ZNF804A: variants seen among roughly 807,000 people sequenced by gnomAD.
ZNF804A encodes zinc finger protein 804A.
In ZNF804A, 2 loss-of-function variants were observed where a neutral mutation model predicts 16.5. That is an observed-to-expected ratio of 0.12 (90% CI 0.05 to 0.38). The LOEUF (loss-of-function observed/expected upper bound fraction) is 0.38. Ranked by LOEUF, ZNF804A falls within the 10% of genes least tolerant of loss-of-function variation. The probability of loss-of-function intolerance (pLI) is 0.99; values close to 1 mark genes in which losing one functional copy is unlikely to be tolerated. For synonymous variants in ZNF804A, 534 were observed against 489.6 expected, an observed-to-expected ratio of 1.09 and a Z score of -1.20; for missense variants, 1,473 against 1,390.7, an observed-to-expected ratio of 1.06 and a Z score of -0.94.
At chr2:184,844,675 G>GC (rs1331277464) in intron 1 of ZNF804A, among the ~76,000 whole-genome samples, 1 of 150,810 alleles carries the variant, frequency 6.6e-6, no homozygotes, top group Admixed American at 6.6e-5. Flanking sequence ...ATTCTGATAT[G>GC]CTTATGTGTT....
At chr2:184,712,305 A>G (rs13389014) in intron 1 of ZNF804A, among the ~76,000 whole-genome samples, 20,926 of 151,608 alleles carry the variant, frequency 0.14, 1,553 homozygotes, top group Middle Eastern at 0.23. Context: ...CAGACATAGT[A>G]TATTCCTGGG....
chr2:184,599,600 T>C (rs1251884986), intron 1 of ZNF804A, among the ~76,000 whole-genome samples: 1 of 152,208 alleles, frequency 6.6e-6, no homozygotes, highest in African/African-American at 2.4e-5. Context: ...GTGCTAAGCT[T>C]AAGAGAGTGA....
intron 1 of ZNF804A, among the ~76,000 whole-genome samples, chr2:184,854,621 T>C (rs1417670255): frequency 6.6e-6 from 1 of 152,028 alleles, no homozygotes; most frequent in Non-Finnish European, 1.5e-5. Flanking sequence ...TGAACAATAA[T>C]GTGTGTAATG....
Position 184,604,322 on chromosome 2 carries a change from C to T in ZNF804A, c.111+5252C>T, listed in dbSNP as rs528317171. Among the ~76,000 whole-genome samples the T allele has an allele frequency of 3.6e-3, 542 of 151,676 alleles. 6 individuals are homozygous for T. Among genetic ancestry groups the T allele is most frequent in the African/African-American group, 0.012 (514 of 41,426 alleles). On this transcript the variant is annotated intron_variant, in intron 1 of 3. Coordinates refer to ENST00000302277, the MANE Select transcript of ZNF804A (RefSeq NM_194250.2). ...AGTAGCTGGGACTACAGGTGCCCGC[C>T]ATCGCGCCCGGCTAATTTTTTTTTG...
rs979928976 is a variant in ZNF804A at position 184,802,782 on chromosome 2, T to C, written c.112-63587T>C. ...TTCCCTGCTCATACAGTTTTAATTA[T>C]TTTTAAATACTTGCCATTAATCTTC... On this transcript the variant is annotated intron_variant, in intron 1 of 3. Coordinates refer to ENST00000302277, the MANE Select transcript of ZNF804A (RefSeq NM_194250.2). 2.0e-5 allele frequency among the ~76,000 whole-genome samples: 3 copies of C among 152,226 alleles called. No individual in the cohort carries two copies. The East Asian group carries it at 5.8e-4, about 29-fold the overall frequency.
chr2:184,818,204 G>C (rs1041667934), intron 1 of ZNF804A, among the ~76,000 whole-genome samples: 1 of 151,994 alleles, frequency 6.6e-6, no homozygotes, highest in Non-Finnish European at 1.5e-5. Flanking sequence ...ACTAACAGTG[G>C]AACTCTCAGC....
chr2:184,870,892 A>G (rs1052126312), intron 2 of ZNF804A, among the ~76,000 whole-genome samples: 11 of 151,954 alleles, frequency 7.2e-5, no homozygotes, highest in African/African-American at 2.7e-4. Flanking sequence ...GCTACTGATG[A>G]TAATAATAGC....
At chr2:184,624,679 T>C (rs965474634) in intron 1 of ZNF804A, among the ~76,000 whole-genome samples, 2 of 152,160 alleles carry the variant, frequency 1.3e-5, no homozygotes, top group Non-Finnish European at 2.9e-5. Flanking sequence ...TCCCTCCTTC[T>C]GTGAGGGTCA....
intron 1 of ZNF804A, among the ~76,000 whole-genome samples, chr2:184,604,528 G>A (rs1179749754): frequency 6.6e-6 from 1 of 151,998 alleles, no homozygotes; most frequent in Non-Finnish European, 1.5e-5. Context: ...CTAGTCTAGA[G>A]GTTAATGGAA....
At chr2:184,909,144 T>C (rs1201533218) in intron 2 of ZNF804A, among the ~76,000 whole-genome samples, 1 of 152,138 alleles carries the variant, frequency 6.6e-6, no homozygotes, top group Non-Finnish European at 1.5e-5. Context: ...ACTATTGTAA[T>C]GTTCTGTTAG....
chr2:184,620,773 A>G (rs1691404887), intron 1 of ZNF804A, among the ~76,000 whole-genome samples: 1 of 151,762 alleles, frequency 6.6e-6, no homozygotes, highest in South Asian at 2.1e-4. Flanking sequence ...AAGTGTCACA[A>G]TTATTGGTAG....
intron 1 of ZNF804A, among the ~76,000 whole-genome samples, chr2:184,861,022 T>G (rs1295071348): frequency 1.3e-5 from 2 of 152,154 alleles, no homozygotes; most frequent in African/African-American, 4.8e-5. Flanking sequence ...AGATCAAGTC[T>G]GTTGCTCAGG....
At chr2:184,701,277 G>A (rs908405131) in intron 1 of ZNF804A, among the ~76,000 whole-genome samples, 6 of 151,782 alleles carry the variant, frequency 4.0e-5, no homozygotes, top group African/African-American at 1.4e-4. Context: ...TACAGCCAAA[G>A]ACTTGAAGTG....
At chr2:184,868,805 A>G (rs1368722676) in intron 2 of ZNF804A, among the ~76,000 whole-genome samples, 1 of 152,018 alleles carries the variant, frequency 6.6e-6, no homozygotes, top group Non-Finnish European at 1.5e-5. Context: ...AACATACTTA[A>G]GACAAAGCAA....
intron 1 of ZNF804A, among the ~76,000 whole-genome samples, chr2:184,732,481 A>G (rs1484404705): frequency 2.0e-5 from 3 of 152,094 alleles, no homozygotes; most frequent in Admixed American, 6.5e-5. Context: ...CAGTTCTTCA[A>G]CTTTGTTCTT....
chr2:184,707,405 A>C (rs958652922), intron 1 of ZNF804A, among the ~76,000 whole-genome samples: 1 of 152,086 alleles, frequency 6.6e-6, no homozygotes, highest in African/African-American at 2.4e-5. Context: ...CCAGAGAGTG[A>C]GCATAGTACC....
intron 1 of ZNF804A, among the ~76,000 whole-genome samples, chr2:184,675,711 T>C (rs76458300): frequency 0.018 from 2,765 of 151,908 alleles, 65 homozygotes; most frequent in African/African-American, 0.06. Flanking sequence ...TTTAATAATA[T>C]TCTGATGGTC....
intron 1 of ZNF804A, among the ~76,000 whole-genome samples, chr2:184,713,006 T>C (rs540316527): frequency 6.6e-6 from 1 of 151,932 alleles, no homozygotes; most frequent in East Asian, 1.9e-4. Flanking sequence ...AGGAAATTTA[T>C]AGATTTCCAT....
chr2:184,695,465 T>TAAAAAAAAAAAA lies in ZNF804A; in HGVS notation c.111+96411_111+96422dup, dbSNP rs779929990. On this transcript the variant is annotated intron_variant, in intron 1 of 3. Transcript: ENST00000302277. Reference sequence around the variant, plus strand: ...GGGCGACAGAGCGAGACTCCGTCATTAAAAAAAAAAAAAAAAAAAAAAAAA... The same window carrying TAAAAAAAAAAAA: ...GGGCGACAGAGCGAGACTCCGTCATTAAAAAAAAAAAAAAAAAAAAAAAAAAAAAAAAAAAAA... 6.2e-4 allele frequency among the ~76,000 whole-genome samples: 32 copies of TAAAAAAAAAAAA among 51,816 alleles called. 1 individual carries two copies. Among genetic ancestry groups the TAAAAAAAAAAAA allele is most frequent in the African/African-American group, 2.9e-3 (31 of 10,590 alleles). The allele number at this position is 51,816 out of a possible 152,430, so 34.0% of individuals were successfully genotyped here.
Sources: allele counts gnomAD v4.1 joint callset (sites outside exome capture counted in the v4.1 genomes callset), GRCh38; gene constraint gnomAD v4.1.1; transcripts MANE v1.5; gene names NCBI Gene and HGNC (gene_info 2026-07-23, HGNC 2026-07-21).